Variants in MCTP2 observed in about 807,000 individuals in gnomAD.
MCTP2 encodes multiple C2 and transmembrane domain-containing protein 2.
A neutral mutation model predicts 111.6 loss-of-function variants in MCTP2; 132 were observed. The observed-to-expected ratio is 1.18, with a 90% CI of 1.03 to 1.37. The LOEUF (loss-of-function observed/expected upper bound fraction) is 1.37, where lower values mean the gene tolerates loss of function less well. Ranked by LOEUF, MCTP2 falls within the 40% of genes most tolerant of loss-of-function variation. The probability of loss-of-function intolerance (pLI) is 0.00; values close to 1 mark genes in which losing one functional copy is unlikely to be tolerated. For synonymous variants in MCTP2, 395 were observed against 387.7 expected (o/e 1.02, Z -0.22); for missense variants, 1,183 against 1,067.9 (o/e 1.11, Z -1.50).
intron 1 of MCTP2, among the ~76,000 whole-genome samples, chr15:94,232,594 C>A (rs576051100): frequency 3.9e-4 from 59 of 152,256 alleles, no homozygotes; most frequent in African/African-American, 1.3e-3. Context: ...CACCTGTTAA[C>A]GGGCAGACCT....
intron 1 of MCTP2, chr15:94,273,868 C>T: frequency 4.3e-6 from 1 of 230,328 alleles, no homozygotes; most frequent in Admixed American, 4.3e-5. Context: ...TGGGCCTTCA[C>T]TTGAGCAAGG....
intron 1 of MCTP2, among the ~76,000 whole-genome samples, chr15:94,253,047 T>G (rs896573937): frequency 1.3e-5 from 2 of 152,170 alleles, no homozygotes; most frequent in Non-Finnish European, 2.9e-5. Context: ...TCTGCTTCCC[T>G]CAGCTGACTT....
intron 12 of MCTP2, among the ~76,000 whole-genome samples, chr15:94,379,745 G>GATATATAATATATATA (rs1456702637): frequency 3.5e-5 from 5 of 144,154 alleles, no homozygotes; most frequent in African/African-American, 1.3e-4. Context: ...TATAATATAT[G>GATATATAATATATATA]ATATATAATA....
At chr15:94,430,839 G>A (rs1232661679) in intron 17 of MCTP2, among the ~76,000 whole-genome samples, 1 of 152,028 alleles carries the variant, frequency 6.6e-6, no homozygotes, top group Non-Finnish European at 1.5e-5. Flanking sequence ...TCTTCTGCCT[G>A]GAAACATTAT....
At chr15:94,372,229 T>G (rs2079528403) in intron 12 of MCTP2, among the ~76,000 whole-genome samples, 1 of 152,244 alleles carries the variant, frequency 6.6e-6, no homozygotes, top group African/African-American at 2.4e-5. Context: ...TTTCTGTATT[T>G]ATGAGAAAAT....
chr15:94,445,893 C>A (rs2084090076), intron 19 of MCTP2, among the ~76,000 whole-genome samples: 1 of 152,190 alleles, frequency 6.6e-6, no homozygotes, highest in African/African-American at 2.4e-5. Flanking sequence ...GCCAGTGCTC[C>A]TTCCCACCAC....
intron 1 of MCTP2, among the ~76,000 whole-genome samples, chr15:94,238,325 AAC>A (rs1019784919): frequency 2.0e-5 from 3 of 152,156 alleles, no homozygotes; most frequent in African/African-American, 4.8e-5. Context: ...CTGTTATAAA[AAC>A]ACACATTTTA....
intron 12 of MCTP2, among the ~76,000 whole-genome samples, chr15:94,382,110 G>C (rs987662248): frequency 1.3e-5 from 2 of 152,306 alleles, no homozygotes; most frequent in East Asian, 3.9e-4. Flanking sequence ...CCCTTGCATC[G>C]GTCTTGAGTG....
In MCTP2 at chr15:94,252,191, A is replaced by G. The variant is rs188542499; in HGVS notation, c.-66+20527A>G. Among the ~76,000 whole-genome samples, 220 of 152,290 alleles carry G rather than the reference A, an allele frequency of 1.4e-3. 1 individual carries two copies. The highest frequency in any genetic ancestry group is 5.2e-3 in the African/African-American group (217 of 41,540). On this transcript the variant is annotated intron_variant, in intron 1 of 22. Coordinates refer to ENST00000357742, the MANE Select transcript of MCTP2 (RefSeq NM_001385001.1). ...ATGGTTATTTTCTTGAAGAACTGCT[A>G]CATCATTTTTCCATAGCGGCTGTAC...
At chr15:94,390,747 T>TTTTTTTTTTTTTTGA (rs1567605301) in intron 14 of MCTP2, among the ~76,000 whole-genome samples, 1 of 140,878 alleles carries the variant, frequency 7.1e-6, no homozygotes, top group African/African-American at 2.7e-5. Context: ...TTTTTTTTTT[T>TTTTTTTTTTTTTTGA]GGGATGGAGT....
At position 94,470,432 on chromosome 15, in the gene MCTP2, T is replaced by G; in HGVS notation, c.2460T>G (p.Ile820Met). 1 of 1,607,258 alleles carries G rather than the reference T, an allele frequency of 6.2e-7. No individual in the cohort carries two copies. ...ILYFIPLRYI[I>M]LIWGINKFTK... Reference sequence around the variant, plus strand: ...ATTTCATTCCACTGCGGTACATCATTTTAATCTGGGGTAAGTTTGGAATGG... The same window carrying G: ...ATTTCATTCCACTGCGGTACATCATGTTAATCTGGGGTAAGTTTGGAATGG... The change falls in exon 21 of 23, where the codon ATT becomes ATG. Residue 820 changes from isoleucine to methionine, a missense_variant. Coordinates refer to ENST00000357742, the MANE Select transcript of MCTP2 (RefSeq NM_001385001.1).
At chr15:94,300,500 ACT>A (rs1171637795) in intron 2 of MCTP2, among the ~76,000 whole-genome samples, 7 of 112,256 alleles carry the variant, frequency 6.2e-5, no homozygotes, top group African/African-American at 1.1e-4. Flanking sequence ...ACAGAGTGAG[ACT>A]CTGTCTCAAA....
Position 94,260,797 on chromosome 15 carries a change from C to T in MCTP2, c.-66+29133C>T, listed in dbSNP as rs537113996. Among the ~76,000 whole-genome samples the T allele has an allele frequency of 3.3e-5, 5 of 152,264 alleles. No individual in the cohort carries two copies. The South Asian group carries it at 1.0e-3, about 32-fold the overall frequency. ...CTCTTCTCAGCCAACGGCATTCCAA[C>T]GTTAACCTGAAAAAATGAGTTCAGG... is the stretch of plus-strand genomic sequence containing the variant. On this transcript the variant is annotated intron_variant, in intron 1 of 22. Transcript: ENST00000357742.
At chr15:94,352,947 C>T (rs1474145362) in intron 8 of MCTP2, among the ~76,000 whole-genome samples, 11 of 152,182 alleles carry the variant, frequency 7.2e-5, no homozygotes, top group Admixed American at 7.2e-4. Flanking sequence ...AAGTACACCT[C>T]CTCCAGCATG....
intron 14 of MCTP2, among the ~76,000 whole-genome samples, chr15:94,387,648 A>G (rs1460367614): frequency 6.6e-6 from 1 of 152,204 alleles, no homozygotes; most frequent in African/African-American, 2.4e-5. Context: ...TAGAGCTCTA[A>G]CAATGACCAG....
intron 1 of MCTP2, among the ~76,000 whole-genome samples, chr15:94,234,928 G>T (rs2070439340): frequency 6.6e-6 from 1 of 152,054 alleles, no homozygotes; most frequent in African/African-American, 2.4e-5. Flanking sequence ...GTCCAGGAGG[G>T]TCATTCTAAG....
chr15:94,399,056 T>A lies in MCTP2; in HGVS notation c.1884T>A (p.Tyr628Ter), dbSNP rs369528875. The A allele has an allele frequency of 3.4e-6, 5 of 1,474,484 alleles. No homozygotes were observed. The highest frequency in any genetic ancestry group is 1.7e-5 in the Admixed American group (1 of 59,470). The allele number at this position is 1,474,484 out of a possible 1,614,324, so 91.3% of individuals were successfully genotyped here. The change falls in exon 15 of 23, where the codon TAT becomes TAA. Residue 628 changes from tyrosine to a stop codon, truncating the protein, a stop_gained. Coordinates refer to ENST00000357742, the MANE Select transcript of MCTP2 (RefSeq NM_001385001.1). LOFTEE classifies it high-confidence loss of function. ...GVIYLEMDLI[Y>*]NPVKASIRTF... is the part of the protein sequence containing the mutation. ...TTTACTTAGAGATGGACCTTATATA[T>A]AATCCGGTAAGTCTAGCTGGGTCAT...
In MCTP2 at chr15:94,396,744, A is replaced by G. The variant is rs186350231; in HGVS notation, c.1789-2217A>G. ...TCTCTAAAGATATTCCTTGTAGCAG[A>G]CAAACTAGAAAAGTGGAAGCAACTA... On this transcript the variant is annotated intron_variant, in intron 14 of 22. Coordinates refer to ENST00000357742, the MANE Select transcript of MCTP2 (RefSeq NM_001385001.1). Among the ~76,000 whole-genome samples, 9 of 152,282 alleles carry G rather than the reference A, an allele frequency of 5.9e-5. No homozygotes were observed. The East Asian group carries it at 1.7e-3, about 29-fold the overall frequency.
chr15:94,457,096 C>T lies in MCTP2; in HGVS notation c.2251-1041C>T, dbSNP rs993496651. On this transcript the variant is annotated intron_variant, in intron 19 of 22. Transcript: ENST00000357742. ...TTGCTTGATAGTTTAGTACAATTTT[C>T]ACCCAACTAAAATTCTATATAGGAA... 5.3e-5 allele frequency among the ~76,000 whole-genome samples: 8 copies of T among 152,176 alleles called. No individual in the cohort carries two copies. The South Asian group carries it at 1.5e-3, about 28-fold the overall frequency.
Sources: allele counts gnomAD v4.1 joint callset (sites outside exome capture counted in the v4.1 genomes callset), GRCh38; gene constraint gnomAD v4.1.1; transcripts MANE v1.5; gene names NCBI Gene and HGNC (gene_info 2026-07-23, HGNC 2026-07-21).